The following GTPBP4 variants were observed in gnomAD, a reference collection of about 807,000 sequenced individuals.
GTPBP4 encodes the protein GTP-binding protein 4.
Under a neutral mutation model 81.7 loss-of-function variants are expected in GTPBP4, and 15 were observed. The ratio of observed to expected loss-of-function variants is 0.18; its 90% CI spans 0.12 to 0.28. GTPBP4 has a LOEUF of 0.28. Ranked by LOEUF, GTPBP4 falls within the 10% of genes least tolerant of loss-of-function variation. GTPBP4 has a pLI of 1.00. For missense variants in GTPBP4, 847 were observed against 793.8 expected (o/e 1.07, Z -0.81); for synonymous variants, 272 against 274.6 (o/e 0.99, Z 0.09).
At chr10:1,008,722 CTG>C (rs1831796270) in intron 10 of GTPBP4, among the ~76,000 whole-genome samples, 1 of 151,940 alleles carries the variant, frequency 6.6e-6, no homozygotes, top group African/African-American at 2.4e-5. Flanking sequence ...CTCCTGGTCT[CTG>C]TGCTCAAAGT....
At chr10:1,015,986 G>T in intron 16 of GTPBP4, 90 bp downstream of exon 16, 1 of 1,168,868 alleles carries the variant, frequency 8.6e-7, no homozygotes, top group Non-Finnish European at 1.2e-6. Context: ...GTTGCCATTT[G>T]CAGGAACTAT....
intron 8 of GTPBP4, among the ~76,000 whole-genome samples, chr10:1,005,275 A>C (rs1464573523): frequency 6.6e-6 from 1 of 152,070 alleles, no homozygotes; most frequent in Non-Finnish European, 1.5e-5. Flanking sequence ...CCTCCCGAGT[A>C]GCTGGGACTA....
At chr10:1,002,265 C>T (rs1377518838) in intron 8 of GTPBP4, among the ~76,000 whole-genome samples, 1 of 152,102 alleles carries the variant, frequency 6.6e-6, no homozygotes, top group East Asian at 1.9e-4. Context: ...TCTTTTTTGC[C>T]TAGGATCTGT....
chr10:1,004,446 G>T (rs1287138617), intron 8 of GTPBP4, among the ~76,000 whole-genome samples: 2 of 152,156 alleles, frequency 1.3e-5, no homozygotes, highest in African/African-American at 4.8e-5. Context: ...TCCCTGGGGT[G>T]TGGAGTACAA....
intron 13 of GTPBP4, among the ~76,000 whole-genome samples, chr10:1,011,514 G>A (rs1191641106): frequency 6.8e-6 from 1 of 147,944 alleles, no homozygotes; most frequent in Non-Finnish European, 1.5e-5. Flanking sequence ...AATACTTGCT[G>A]TCCTGCCTTC....
Position 988,527 on chromosome 10 carries a change from G to A in GTPBP4, c.48G>A (p.Lys16=). ...FKKITVVPSA[K]DFIDLTLSKT... is the part of the protein sequence containing the mutation. ...AAATTACGGTGGTGCCGTCCGCCAA[G>A]GTAGGCGGCCCCGGGAGGGCCACTG... is the stretch of plus-strand genomic sequence containing the variant. The change falls in exon 1 of 17, where the codon AAG becomes AAA. Residue 16 remains lysine, a splice_region_variant and synonymous_variant. Transcript: ENST00000360803. 1 of 1,611,854 alleles carries A rather than the reference G, an allele frequency of 6.2e-7. No individual in the cohort carries two copies. Among genetic ancestry groups the A allele is most frequent in the East Asian group, 2.2e-5 (1 of 44,842 alleles).
At chr10:994,730 A>T (rs1281710725) in intron 2 of GTPBP4, among the ~76,000 whole-genome samples, 1 of 152,192 alleles carries the variant, frequency 6.6e-6, no homozygotes. Flanking sequence ...GGAGAGTTCA[A>T]ATGTATTAAC....
At chr10:1,006,900 G>A in intron 9 of GTPBP4, 118 bp from the exon 10 acceptor site, 1 of 678,686 alleles carries the variant, frequency 1.5e-6, no homozygotes. Context: ...CCCCCTACGT[G>A]TTAGTTACCT....
Position 997,326 on chromosome 10 carries a change from C to T in GTPBP4, c.561+18C>T, listed in dbSNP as rs769605777. 59 of 1,312,494 alleles carry T rather than the reference C, an allele frequency of 4.5e-5. No homozygotes were observed. Among genetic ancestry groups the T allele is most frequent in the East Asian group, 9.2e-5 (4 of 43,620 alleles). 81.3% of individuals were successfully genotyped at this position (1,312,494 alleles called of 1,614,324 possible). ...TCAACAAGGTTGGTCTGGTTTTTAT[C>T]GTAAAGCAAATCATCTGACTATTTT... On this transcript the variant is annotated intron_variant, in intron 5 of 16. Coordinates refer to ENST00000360803, the MANE Select transcript of GTPBP4 (RefSeq NM_012341.3).
chr10:1,010,663 T>G (rs1455589470), intron 13 of GTPBP4, 143 bp downstream of exon 13: 3 of 655,390 alleles, frequency 4.6e-6, no homozygotes, highest in African/African-American at 2.0e-5. Context: ...CCTGTACCAC[T>G]TCCCCACCCT....
chr10:1,009,024 A>T lies in GTPBP4; in HGVS notation c.1180A>T (p.Arg394Trp). The part of the protein sequence containing the change: ...RRKRMETEES[R>W]KKRERDLELE... ...GAAGAGGATGGAAACTGAGGAGTCC[A>T]GGAAGAAGAGGGTATGCTGCCGAAG... Residue 394 changes from arginine (R) to tryptophan (W), a missense_variant, in exon 11 of 17, where the codon AGG (arginine) becomes TGG (tryptophan). Arg to Trp is a moderately radical substitution (Grantham distance 101). Transcript: ENST00000360803. 6.2e-7 allele frequency: 1 copy of T among 1,609,800 alleles called. No homozygotes were observed. The highest frequency in any genetic ancestry group is 8.5e-7 in the Non-Finnish European group (1 of 1,176,016).
At chr10:1,013,214 C>T (rs956810134) in intron 14 of GTPBP4, among the ~76,000 whole-genome samples, 3 of 152,032 alleles carry the variant, frequency 2.0e-5, no homozygotes, top group East Asian at 1.9e-4. Context: ...AAACTCCTTA[C>T]CTCAAGTGAT....
intron 10 of GTPBP4, chr10:1,007,842 T>C (rs745646461): frequency 3.9e-5 from 20 of 506,774 alleles, no homozygotes; most frequent in Non-Finnish European, 7.4e-5. Context: ...GTTTATGTAA[T>C]GCTGGGTGCG....
intron 13 of GTPBP4, among the ~76,000 whole-genome samples, chr10:1,010,737 C>T (rs193147000): frequency 0.011 from 1,666 of 148,472 alleles, 27 homozygotes; most frequent in Non-Finnish European, 0.018. Context: ...CCCTTCCCGC[C>T]GCCTCCACCC....
chr10:1,000,597 G>T (rs141920256), intron 6 of GTPBP4, 80 bp from the exon 7 acceptor site: 41 of 698,358 alleles, frequency 5.9e-5, no homozygotes, highest in Non-Finnish European at 8.9e-5. Context: ...GGTTGGGTGT[G>T]TGTGAGTGAC....
In GTPBP4 at chr10:1,017,897, A is replaced by G. The variant is rs1832018997; in HGVS notation, c.*670A>G. ...CGTCCCTGAAGTTACATGTTCAGTA[A>G]AACACAAAAACACCGCCAATGCCAC... On this transcript the variant is annotated 3_prime_UTR_variant, in exon 17 of 17. Coordinates refer to ENST00000360803, the MANE Select transcript of GTPBP4 (RefSeq NM_012341.3). 2 of 152,178 alleles carry G rather than the reference A, an allele frequency of 1.3e-5. No homozygotes were observed. The highest frequency in any genetic ancestry group is 2.4e-5 in the African/African-American group (1 of 41,430). 9.4% of individuals were successfully genotyped at this position (152,178 alleles called of 1,614,324 possible). A position where few individuals can be genotyped will look rare whatever the true frequency, so the allele number is the denominator to read the frequency against.
intron 8 of GTPBP4, among the ~76,000 whole-genome samples, chr10:1,001,535 A>G (rs1260887171): frequency 6.6e-6 from 1 of 152,200 alleles, no homozygotes; most frequent in Non-Finnish European, 1.5e-5. Context: ...CCTTCATGAT[A>G]AATGCTTTTA....
intron 8 of GTPBP4, among the ~76,000 whole-genome samples, chr10:1,003,595 G>C (rs1358908075): frequency 1.3e-5 from 2 of 152,152 alleles, no homozygotes; most frequent in Non-Finnish European, 2.9e-5. Context: ...GTGCCATTTG[G>C]GAAGAGAACC....
intron 14 of GTPBP4, 61 bp from the exon 15 acceptor site, chr10:1,014,186 A>C: frequency 2.9e-6 from 3 of 1,041,180 alleles, no homozygotes; most frequent in Non-Finnish European, 4.5e-6. Context: ...ATTGCCTTGA[A>C]GTTTTTTTCA....
Sources: allele counts gnomAD v4.1 joint callset (sites outside exome capture counted in the v4.1 genomes callset), GRCh38; gene constraint gnomAD v4.1.1; transcripts MANE v1.5; gene names NCBI Gene and HGNC (gene_info 2026-07-23, HGNC 2026-07-21).